BCAR3: variants seen among roughly 807,000 people sequenced by gnomAD.
BCAR3 encodes BCAR3 adaptor protein, NSP family member, also known as breast cancer anti-estrogen resistance protein 3.
A neutral mutation model predicts 80.1 loss-of-function variants in BCAR3; 37 were observed. That is an observed-to-expected ratio of 0.46 (90% CI 0.36 to 0.61). BCAR3 has a LOEUF of 0.61. Among genes scored for constraint, BCAR3 ranks in the 20% least tolerant of loss-of-function variants. The pLI, the probability that BCAR3 is intolerant of heterozygous loss-of-function variation, is 0.00. For missense variants in BCAR3, 978 were observed against 1,068.2 expected (o/e 0.92, Z 1.18); for synonymous variants, 389 against 418.9 (o/e 0.93, Z 0.87).
chr1:93,741,275 A>G (rs1571087872), intron 2 of BCAR3, among the ~76,000 whole-genome samples: 1 of 152,200 alleles, frequency 6.6e-6, no homozygotes, highest in Non-Finnish European at 1.5e-5. Context: ...CTGAATAATA[A>G]CAGCCTATAT....
intron 11 of BCAR3, among the ~76,000 whole-genome samples, chr1:93,562,961 T>G (rs1288074050): frequency 2.0e-5 from 3 of 151,972 alleles, no homozygotes; most frequent in Non-Finnish European, 4.4e-5. Flanking sequence ...GTAAACTCAT[T>G]AAAAAACAAT....
intron 1 of BCAR3, among the ~76,000 whole-genome samples, chr1:93,678,641 C>T (rs1648603841): frequency 6.6e-6 from 1 of 152,200 alleles, no homozygotes; most frequent in African/African-American, 2.4e-5. Flanking sequence ...AATGAGTTAA[C>T]ATCCAAGTTG....
rs370313610 is a variant in BCAR3, at chr1:93,822,136, G to A, written c.-63+23431C>T. Among the ~76,000 whole-genome samples the A allele has an allele frequency of 6.6e-5, 10 of 152,058 alleles. No individual in the cohort carries two copies. In the South Asian group the frequency reaches 1.5e-3, roughly 22 times the overall value. On this transcript the variant is annotated intron_variant, in intron 2 of 13. Transcript: ENST00000370244. ...AAAGGCATTGAGGCATTAAAGAACA[G>A]AGAAGGTTCAGATGGACATTGCAAT...
chr1:93,714,256 C>T (rs542930539), intron 2 of BCAR3, among the ~76,000 whole-genome samples: 18 of 152,226 alleles, frequency 1.2e-4, no homozygotes, highest in South Asian at 2.1e-4. Flanking sequence ...GCTGGGATTA[C>T]GGGCGTGAGC....
chr1:93,660,474 T>A (rs1340307986), intron 2 of BCAR3, among the ~76,000 whole-genome samples: 1 of 152,208 alleles, frequency 6.6e-6, no homozygotes, highest in African/African-American at 2.4e-5. Context: ...TAGGGCCATT[T>A]CTATCTGTTT....
At chr1:93,718,688 C>CTTTTTTTTTTTTT (rs71094259) in intron 2 of BCAR3, among the ~76,000 whole-genome samples, 2 of 77,036 alleles carry the variant, frequency 2.6e-5, no homozygotes, top group Non-Finnish European at 4.9e-5. Context: ...CATTGTTTTT[C>CTTTTTTTTTTTTT]TTTTTTTTTT....
At chr1:93,576,447 G>A (rs576601488) in intron 7 of BCAR3, among the ~76,000 whole-genome samples, 6 of 152,304 alleles carry the variant, frequency 3.9e-5, no homozygotes, top group Non-Finnish European at 7.3e-5. Flanking sequence ...GTCTGACACC[G>A]GCCGGATCCT....
At chr1:93,564,553 C>T (rs923004885) in intron 11 of BCAR3, among the ~76,000 whole-genome samples, 2 of 152,152 alleles carry the variant, frequency 1.3e-5, no homozygotes, top group African/African-American at 2.4e-5. Context: ...GCTGGGATTA[C>T]AGGCGTGAGC....
chr1:93,665,915 C>T (rs937399818), intron 2 of BCAR3, among the ~76,000 whole-genome samples: 4 of 152,148 alleles, frequency 2.6e-5, no homozygotes, highest in Non-Finnish European at 5.9e-5. Flanking sequence ...CTATACCTCT[C>T]CCCCACCCCA....
chr1:93,833,842 A>G (rs770127454), intron 2 of BCAR3, among the ~76,000 whole-genome samples: 1 of 152,200 alleles, frequency 6.6e-6, no homozygotes, highest in Non-Finnish European at 1.5e-5. Flanking sequence ...GGTGACATAT[A>G]TCCTCAGCTT....
intron 2 of BCAR3, among the ~76,000 whole-genome samples, chr1:93,764,847 T>G (rs1204424329): frequency 1.3e-5 from 2 of 152,208 alleles, no homozygotes; most frequent in Non-Finnish European, 2.9e-5. Context: ...TTCTGCCTCC[T>G]AAGTGGGAGT....
At chr1:93,611,367 G>A (rs949392912) in intron 3 of BCAR3, among the ~76,000 whole-genome samples, 7 of 152,062 alleles carry the variant, frequency 4.6e-5, no homozygotes, top group African/African-American at 1.4e-4. Flanking sequence ...CAACACGCAT[G>A]GACTTTAGAA....
At chr1:93,811,192 T>C (rs1298442251) in intron 2 of BCAR3, among the ~76,000 whole-genome samples, 1 of 152,168 alleles carries the variant, frequency 6.6e-6, no homozygotes, top group African/African-American at 2.4e-5. Flanking sequence ...TGCAGCAGAC[T>C]GGCCAGTGCG....
Position 93,641,849 on chromosome 1 carries a change from T to C in BCAR3, c.357+455A>G, listed in dbSNP as rs527459833. Among the ~76,000 whole-genome samples the C allele has an allele frequency of 6.6e-5, 10 of 152,258 alleles. No homozygotes were observed. The South Asian group carries it at 2.1e-3, about 32-fold the overall frequency. ...ATCCAAAAAACTCTGAACACTAACA[T>C]TAAAAAAACCTTACTTGGCAGCAAA... On this transcript the variant is annotated intron_variant, in intron 3 of 11. Coordinates refer to ENST00000260502, the MANE Select transcript of BCAR3 (RefSeq NM_003567.4).
In BCAR3 at chr1:93,674,943, T is replaced by C; in HGVS notation, c.-11-2A>G. ...TTCCTGCAGCCATAATTCTCAACTC[T>C]AAGGGGGAAAGAAAAGAGTGAAGGT... On this transcript the variant is annotated splice_acceptor_variant, in intron 1 of 11. Coordinates refer to ENST00000260502, the MANE Select transcript of BCAR3 (RefSeq NM_003567.4). LOFTEE classifies it low-confidence loss of function (5UTR_SPLICE). The C allele has an allele frequency of 1.3e-6, 2 of 1,529,548 alleles. No individual in the cohort carries two copies. Among genetic ancestry groups the C allele is most frequent in the Non-Finnish European group, 1.7e-6 (2 of 1,144,264 alleles). 94.7% of individuals were successfully genotyped at this position (1,529,548 alleles called of 1,614,324 possible).
At chr1:93,760,692 T>C (rs1651908599) in intron 2 of BCAR3, among the ~76,000 whole-genome samples, 1 of 152,066 alleles carries the variant, frequency 6.6e-6, no homozygotes, top group Non-Finnish European at 1.5e-5. Context: ...GCTCCACTCA[T>C]GGCCAGGCTC....
chr1:93,722,190 C>T (rs969213717), intron 2 of BCAR3, among the ~76,000 whole-genome samples: 4 of 152,128 alleles, frequency 2.6e-5, no homozygotes, highest in East Asian at 3.9e-4. Flanking sequence ...ACCTGGCTCC[C>T]GGTACCGGAT....
chr1:93,768,116 G>A (rs1652218874), intron 2 of BCAR3, among the ~76,000 whole-genome samples: 2 of 152,198 alleles, frequency 1.3e-5, no homozygotes, highest in Admixed American at 1.3e-4. Context: ...TGGCAAGCAA[G>A]TGGCTATGTG....
intron 3 of BCAR3, among the ~76,000 whole-genome samples, chr1:93,598,491 G>T (rs1282322797): frequency 1.3e-5 from 2 of 152,220 alleles, no homozygotes; most frequent in Non-Finnish European, 2.9e-5. Flanking sequence ...GAAAGAGGCT[G>T]CAGAGGCCAT....
Sources: gnomAD v4.1 joint callset for allele counts (sites outside exome capture counted in the v4.1 genomes callset) on GRCh38, gnomAD v4.1.1 for gene constraint, MANE v1.5 for transcripts, NCBI Gene and HGNC (gene_info 2026-07-23, HGNC 2026-07-21) for gene names.